Variants in SLC25A21 observed in about 807,000 individuals in gnomAD.
SLC25A21 encodes the protein solute carrier family 25 member 21.
In SLC25A21, 47 loss-of-function variants were observed where a neutral mutation model predicts 43.8. The ratio of observed to expected loss-of-function variants is 1.07; its 90% CI spans 0.85 to 1.37. The LOEUF (loss-of-function observed/expected upper bound fraction) is 1.37. SLC25A21 is among the 40% of genes most tolerant of loss of function. SLC25A21 has a pLI of 0.00. For missense variants in SLC25A21, 352 were observed against 350.2 expected (o/e 1.00, Z -0.04); for synonymous variants, 131 against 121.3 (o/e 1.08, Z -0.52).
chr14:37,139,130 T>C (rs965002982), intron 1 of SLC25A21, among the ~76,000 whole-genome samples: 2 of 152,238 alleles, frequency 1.3e-5, no homozygotes, highest in African/African-American at 2.4e-5. Context: ...ATTTAACTTA[T>C]AGGGAAAGAT....
chr14:36,955,659 C>T (rs1220116296), intron 1 of SLC25A21, among the ~76,000 whole-genome samples: 1 of 151,468 alleles, frequency 6.6e-6, no homozygotes, highest in Non-Finnish European at 1.5e-5. Context: ...GGTAAAAGCC[C>T]CTCTCTTGAT....
At chr14:36,981,732 A>T (rs1390820698) in intron 1 of SLC25A21, among the ~76,000 whole-genome samples, 3 of 152,202 alleles carry the variant, frequency 2.0e-5, no homozygotes, top group African/African-American at 2.4e-5. Context: ...AGATATAGCT[A>T]ATGTAAATGA....
At chr14:36,824,802 TA>T (rs11386652) in intron 2 of SLC25A21, among the ~76,000 whole-genome samples, 27 of 99,594 alleles carry the variant, frequency 2.7e-4, no homozygotes, top group African/African-American at 4.8e-4. Context: ...TCTGGAATCC[TA>T]AAAAAAAAAA....
chr14:37,041,425 G>C (rs967465593), intron 1 of SLC25A21, among the ~76,000 whole-genome samples: 1 of 152,100 alleles, frequency 6.6e-6, no homozygotes, highest in African/African-American at 2.4e-5. Flanking sequence ...AGCCTGAGGA[G>C]TGAGGATCAC....
intron 7 of SLC25A21, among the ~76,000 whole-genome samples, chr14:36,704,231 G>A (rs1883400226): frequency 1.3e-5 from 2 of 152,226 alleles, no homozygotes; most frequent in Admixed American, 6.5e-5. Context: ...ATACGAAAGG[G>A]AGGATCAGGT....
chr14:36,720,533 G>A (rs1326742729), intron 6 of SLC25A21, among the ~76,000 whole-genome samples: 3 of 152,224 alleles, frequency 2.0e-5, no homozygotes, highest in African/African-American at 7.2e-5. Flanking sequence ...TCTTAAAGGT[G>A]TTGTCAAGCC....
At chr14:36,739,014 T>C (rs1224204327) in intron 3 of SLC25A21, among the ~76,000 whole-genome samples, 3 of 152,214 alleles carry the variant, frequency 2.0e-5, no homozygotes, top group East Asian at 1.9e-4. Flanking sequence ...AAATAAGATA[T>C]AGCAACCTAA....
At chr14:36,779,836 T>C (rs928835328) in intron 3 of SLC25A21, among the ~76,000 whole-genome samples, 1 of 151,636 alleles carries the variant, frequency 6.6e-6, no homozygotes, top group African/African-American at 2.4e-5. Context: ...CTGGATACCA[T>C]GGTAGTTCTA....
At chr14:36,836,602 G>T (rs1408273109) in intron 2 of SLC25A21, among the ~76,000 whole-genome samples, 1 of 150,964 alleles carries the variant, frequency 6.6e-6, no homozygotes, top group East Asian at 2.0e-4. Context: ...TCTGGGCTCT[G>T]CAACACTGAG....
chr14:36,855,358 G>T (rs1330581640), intron 2 of SLC25A21, among the ~76,000 whole-genome samples: 1 of 152,118 alleles, frequency 6.6e-6, no homozygotes, highest in Non-Finnish European at 1.5e-5. Flanking sequence ...AAAGTGGGAG[G>T]CAGCCTCAGG....
chr14:36,876,237 C>A (rs1316615408), intron 1 of SLC25A21, among the ~76,000 whole-genome samples: 2 of 152,162 alleles, frequency 1.3e-5, no homozygotes, highest in East Asian at 3.9e-4. Flanking sequence ...CCATACTGAC[C>A]AGGTCCAGAA....
intron 6 of SLC25A21, among the ~76,000 whole-genome samples, chr14:36,714,740 A>G (rs1376470997): frequency 6.6e-6 from 1 of 152,214 alleles, no homozygotes; most frequent in Non-Finnish European, 1.5e-5. Flanking sequence ...TCCTCTCAGT[A>G]ATTGTGTGAG....
intron 2 of SLC25A21, among the ~76,000 whole-genome samples, chr14:36,815,688 T>C (rs527264491): frequency 1.3e-5 from 2 of 152,188 alleles, no homozygotes; most frequent in Non-Finnish European, 2.9e-5. Flanking sequence ...TAGGGTCTTA[T>C]CTTTTTGTTT....
rs550803436 is a variant in SLC25A21 at position 36,804,410 on chromosome 14, A to T, written c.203+9508T>A. On this transcript the variant is annotated intron_variant, in intron 3 of 9. Coordinates refer to ENST00000331299, the MANE Select transcript of SLC25A21 (RefSeq NM_030631.4). Reference sequence around the variant, plus strand: ...ACTGGATGAATCCCAGCCCCAACAAATACAGCTGTGGAATGTTGGGCAAGT... The same window carrying T: ...ACTGGATGAATCCCAGCCCCAACAATTACAGCTGTGGAATGTTGGGCAAGT... Among the ~76,000 whole-genome samples, 293 of 152,298 alleles carry T rather than the reference A, an allele frequency of 1.9e-3. 4 individuals are homozygous for T. Among genetic ancestry groups the T allele is most frequent in the African/African-American group, 6.7e-3 (280 of 41,580 alleles).
At chr14:36,899,375 A>G (rs1259476392) in intron 1 of SLC25A21, among the ~76,000 whole-genome samples, 1 of 152,274 alleles carries the variant, frequency 6.6e-6, no homozygotes, top group East Asian at 1.9e-4. Context: ...CAAATTATAA[A>G]TAACCAAATC....
chr14:37,145,474 C>CAGAG (rs371272773), intron 1 of SLC25A21, among the ~76,000 whole-genome samples: 55,270 of 119,142 alleles, frequency 0.46, 11,517 homozygotes, highest in Admixed American at 0.59. Flanking sequence ...CACACACACA[C>CAGAG]ACAGAGAGAT....
chr14:36,700,876 C>T (rs1178408995), intron 7 of SLC25A21, among the ~76,000 whole-genome samples: 1 of 152,212 alleles, frequency 6.6e-6, no homozygotes, highest in Non-Finnish European at 1.5e-5. Flanking sequence ...ATAATAGCAG[C>T]TCATCATTGT....
chr14:36,862,312 A>G (rs1890090052), intron 2 of SLC25A21, among the ~76,000 whole-genome samples: 1 of 152,246 alleles, frequency 6.6e-6, no homozygotes, highest in Non-Finnish European at 1.5e-5. Flanking sequence ...ATGCACATGT[A>G]TGTTTATTGC....
chr14:37,157,099 G>C (rs1347871431), intron 1 of SLC25A21, among the ~76,000 whole-genome samples: 1 of 152,164 alleles, frequency 6.6e-6, no homozygotes, highest in Non-Finnish European at 1.5e-5. Context: ...GCTCATGCTT[G>C]TAATCCCAGC....
Sources: allele counts gnomAD v4.1 joint callset (sites outside exome capture counted in the v4.1 genomes callset), GRCh38; gene constraint gnomAD v4.1.1; transcripts MANE v1.5; gene names NCBI Gene and HGNC (gene_info 2026-07-23, HGNC 2026-07-21).